INSR: variants seen among roughly 807,000 people sequenced by gnomAD.
The protein encoded by INSR is IR.
In INSR, 67 loss-of-function variants were observed where a neutral mutation model predicts 142.6. The ratio of observed to expected loss-of-function variants is 0.47; its 90% CI spans 0.39 to 0.58. The LOEUF is 0.58. Ranked by LOEUF, INSR falls within the 20% of genes least tolerant of loss-of-function variation. The pLI, the probability that INSR is intolerant of heterozygous loss-of-function variation, is 0.00. For synonymous variants in INSR, 756 were observed against 743.1 expected, an observed-to-expected ratio of 1.02 and a Z score of -0.28; for missense variants, 1,248 against 1,833.2, an observed-to-expected ratio of 0.68 and a Z score of 5.83.
At chr19:7,262,662 G>C (rs561878744) in intron 2 of INSR, among the ~76,000 whole-genome samples, 1 of 152,276 alleles carries the variant, frequency 6.6e-6, no homozygotes, top group Admixed American at 6.5e-5. Context: ...ACATGATTCA[G>C]CCTTAAAAAG....
chr19:7,231,618 G>T (rs1189050792), intron 2 of INSR, among the ~76,000 whole-genome samples: 5 of 151,698 alleles, frequency 3.3e-5, no homozygotes, highest in African/African-American at 1.2e-4. Flanking sequence ...GTCTTGATAA[G>T]AGTTTAAAGT....
intron 15 of INSR, among the ~76,000 whole-genome samples, chr19:7,127,479 T>A (rs1972673965): frequency 6.6e-6 from 1 of 152,232 alleles, no homozygotes; most frequent in African/African-American, 2.4e-5. Flanking sequence ...CTAACTCTCA[T>A]ACTACATTTA....
chr19:7,224,763 C>T (rs1975728891), intron 2 of INSR, among the ~76,000 whole-genome samples: 1 of 152,154 alleles, frequency 6.6e-6, no homozygotes, highest in Non-Finnish European at 1.5e-5. Context: ...TGGAGACAGT[C>T]CTGGCTAACC....
intron 2 of INSR, among the ~76,000 whole-genome samples, chr19:7,223,331 G>A (rs1340793162): frequency 6.6e-6 from 1 of 152,208 alleles, no homozygotes; most frequent in African/African-American, 2.4e-5. Flanking sequence ...AAGAAGCCCA[G>A]CATAAAGACA....
In INSR at chr19:7,225,370, T is replaced by C. The variant is rs1456406409; in HGVS notation, c.653-40733A>G. On this transcript the variant is annotated intron_variant, in intron 2 of 21. Coordinates refer to ENST00000302850, the MANE Select transcript of INSR (RefSeq NM_000208.4). This position sits in a 1 kb window ranked among gnomAD's most constrained non-coding sequence, Gnocchi z 4.7. Reference sequence around the variant, plus strand: ...TTCTCCAGATCAGCTTAGGGGTGCTTGAGTGCCTGACCCGCCACCCCCGCC... The same window carrying C: ...TTCTCCAGATCAGCTTAGGGGTGCTCGAGTGCCTGACCCGCCACCCCCGCC... Among the ~76,000 whole-genome samples, 3 of 152,104 alleles carry C rather than the reference T, an allele frequency of 2.0e-5. No homozygotes were observed. The highest frequency in any genetic ancestry group is 4.4e-5 in the Non-Finnish European group (3 of 68,018).
At chr19:7,185,006 A>C (rs1161892891) in intron 2 of INSR, among the ~76,000 whole-genome samples, 1 of 152,212 alleles carries the variant, frequency 6.6e-6, no homozygotes, top group Non-Finnish European at 1.5e-5. Context: ...AGCTGACAAA[A>C]GATACACAGT....
rs576992945 is a variant in INSR, at chr19:7,266,980, A to T, written c.652+365T>A. On this transcript the variant is annotated intron_variant, in intron 2 of 21. Transcript: ENST00000302850. ...TCCCAAGCAAGAAGAACATTCACTG[A>T]CTAGCACAGGCGGTGGCAAACTGCT... Among the ~76,000 whole-genome samples, 758 of 152,266 alleles carry T rather than the reference A, an allele frequency of 5.0e-3. 2 individuals are homozygous for T. The highest frequency in any genetic ancestry group is 8.7e-3 in the Non-Finnish European group (591 of 68,032).
chr19:7,125,648 A>G lies in INSR; in HGVS notation c.3014-121T>C. The G allele has an allele frequency of 7.3e-7, 1 of 1,367,170 alleles. No individual in the cohort carries two copies. Among genetic ancestry groups the G allele is most frequent in the Non-Finnish European group, 1.0e-6 (1 of 978,806 alleles). The allele number at this position is 1,367,170 out of a possible 1,614,324, so 84.7% of individuals were successfully genotyped here. A position where few individuals can be genotyped will look rare whatever the true frequency, so the allele number is the denominator to read the frequency against. The stretch of plus-strand genomic sequence containing the variant: ...ACTCATGAAATGAGTTCTGTGATCC[A>G]GGACCCATGCCGGGCACTGGGCATA... On this transcript the variant is annotated intron_variant, in intron 16 of 21. Coordinates refer to ENST00000302850, the MANE Select transcript of INSR (RefSeq NM_000208.4). This position sits in a 1 kb window ranked among gnomAD's most constrained non-coding sequence, Gnocchi z 4.9.
chr19:7,168,239 T>C lies in INSR; in HGVS notation c.1484-145A>G. 2 of 827,804 alleles carry C rather than the reference T, an allele frequency of 2.4e-6. No homozygotes were observed. Among genetic ancestry groups the C allele is most frequent in the East Asian group, 2.8e-5 (1 of 35,960 alleles). 51.3% of individuals were successfully genotyped at this position (827,804 alleles called of 1,614,324 possible). On this transcript the variant is annotated intron_variant, in intron 6 of 21. Transcript: ENST00000302850. This position sits in a 1 kb window ranked among gnomAD's most constrained non-coding sequence, Gnocchi z 4.3. ...CTTAAGGGTCTCCTCCCCATGTGCC[T>C]GGCTGAGTATGAATGGGGGAAGATT... is the stretch of plus-strand genomic sequence containing the variant.
chr19:7,153,273 C>T, intron 9 of INSR, among the ~76,000 whole-genome samples: 1 of 146,014 alleles, frequency 6.8e-6, no homozygotes, highest in Non-Finnish European at 1.5e-5. Context: ...ATGCACACCT[C>T]ACACACCACA....
rs1973938464 is a variant in INSR, at chr19:7,168,469, C to T, written c.1484-375G>A. Among the ~76,000 whole-genome samples the T allele has an allele frequency of 6.6e-6, 1 of 152,146 alleles. No individual in the cohort carries two copies. Among genetic ancestry groups the T allele is most frequent in the Non-Finnish European group, 1.5e-5 (1 of 68,016 alleles). On this transcript the variant is annotated intron_variant, in intron 6 of 21. Transcript: ENST00000302850. The surrounding 1 kb of genome is among the most constrained non-coding windows in gnomAD (Gnocchi z 4.3). ...TCGCATATGGACTTGTAAGACTGAC[C>T]TGGAAGGAGGTGCAACTCCAGTGCA...
chr19:7,283,311 T>G lies in INSR; in HGVS notation c.100+10481A>C, dbSNP rs190623991. Among the ~76,000 whole-genome samples, 190 of 152,276 alleles carry G rather than the reference T, an allele frequency of 1.2e-3. 1 individual carries two copies. Among genetic ancestry groups the G allele is most frequent in the African/African-American group, 4.4e-3 (181 of 41,580 alleles). On this transcript the variant is annotated intron_variant, in intron 1 of 21. Transcript: ENST00000302850. ...CCTCCCTGAAACATGGGCCAGGGGT[T>G]TTTGGACATCTCATGAACTTTCCAA... is the stretch of plus-strand genomic sequence containing the variant.
chr19:7,258,748 T>C (rs1976968096), intron 2 of INSR, among the ~76,000 whole-genome samples: 1 of 148,962 alleles, frequency 6.7e-6, no homozygotes, highest in East Asian at 1.9e-4. Flanking sequence ...GTGAGCCAGG[T>C]ACTATGACAG....
intron 2 of INSR, among the ~76,000 whole-genome samples, chr19:7,247,373 T>C (rs1030481922): frequency 2.0e-5 from 3 of 152,124 alleles, no homozygotes; most frequent in Admixed American, 2.0e-4. Context: ...GACAAGACAC[T>C]CTGAGCCCCG....
chr19:7,268,723 T>C (rs1321479175), intron 1 of INSR: 1 of 424,944 alleles, frequency 2.4e-6, no homozygotes, highest in African/African-American at 2.2e-5. Flanking sequence ...TAATGTCAGC[T>C]ATTTTGTTGT....
At chr19:7,198,232 A>C (rs1974845190) in intron 2 of INSR, among the ~76,000 whole-genome samples, 1 of 151,180 alleles carries the variant, frequency 6.6e-6, no homozygotes, top group African/African-American at 2.4e-5. Context: ...CGCTCAGCCA[A>C]TGGGCGGGCG....
At chr19:7,287,269 C>T (rs1023260797) in intron 1 of INSR, among the ~76,000 whole-genome samples, 107 of 151,710 alleles carry the variant, frequency 7.1e-4, no homozygotes, top group Admixed American at 6.9e-3. Context: ...AAGCGATTCT[C>T]CTGCCTCAGC....
At chr19:7,153,805 C>G (rs1156347992) in intron 9 of INSR, among the ~76,000 whole-genome samples, 1 of 152,096 alleles carries the variant, frequency 6.6e-6, no homozygotes. Context: ...CACGTGAGCC[C>G]AGGAGTTCAA....
rs537285528 is a variant in INSR, at chr19:7,135,667, GA to G, written c.2683-3351del. ...GGCTTTGTTTATGAAACTAGCAAAA[GA>G]AAAAAAAAATACCTTCCACCAGCTG... On this transcript the variant is annotated intron_variant, in intron 13 of 21. Transcript: ENST00000302850. 1.4e-4 allele frequency among the ~76,000 whole-genome samples: 21 copies of G among 147,308 alleles called. No individual in the cohort carries two copies. The South Asian group carries it at 1.5e-3, about 11-fold the overall frequency.
Sources: allele counts gnomAD v4.1 joint callset (sites outside exome capture counted in the v4.1 genomes callset), GRCh38; gene constraint gnomAD v4.1.1; non-coding constraint Gnocchi (gnomAD v3.1); transcripts MANE v1.5; gene names NCBI Gene and HGNC (gene_info 2026-07-23, HGNC 2026-07-21).